The following MIA3 variants were observed in gnomAD, a reference collection of about 807,000 sequenced individuals.
The protein encoded by MIA3 is transport and Golgi organization protein 1 homolog.
In MIA3, 90 loss-of-function variants were observed where a neutral mutation model predicts 192.4. The observed-to-expected ratio is 0.47, with a 90% CI of 0.39 to 0.56. MIA3 has a LOEUF of 0.56. MIA3 is among the 20% of genes least tolerant of loss of function. MIA3 has a pLI of 0.00. For synonymous variants in MIA3, 740 were observed against 792.8 expected (o/e 0.93, Z 1.12); for missense variants, 2,123 against 2,269.4 (o/e 0.94, Z 1.31).
chr1:222,644,614 C>A, intron 6 of MIA3: 1 of 1,550,196 alleles, frequency 6.5e-7, no homozygotes, highest in Non-Finnish European at 8.7e-7. Context: ...CGGGGAGGGA[C>A]CCAAGCTGTC....
In MIA3 at chr1:222,652,293, T is replaced by C; in HGVS notation, c.4047T>C (p.Val1349=). 1 of 1,613,856 alleles carries C rather than the reference T, an allele frequency of 6.2e-7. No individual in the cohort carries two copies. The highest frequency in any genetic ancestry group is 8.5e-7 in the Non-Finnish European group (1 of 1,179,824). The part of the protein sequence containing the change: ...EEKVKSECHR[V]QEENARLKKK... ...AGGTGAAGTCTGAATGCCATCGGGT[T>C]CAAGAAGAAAATGCTAGGCTTAAGA... The change falls in exon 13 of 28, where the codon GTT becomes GTC. Residue 1349 remains valine, a synonymous_variant. Transcript: ENST00000344922.
At chr1:222,644,607 G>T (rs1571887116) in intron 6 of MIA3, 2 of 1,550,270 alleles carry the variant, frequency 1.3e-6, no homozygotes, top group East Asian at 4.9e-5. Context: ...CGATTCCCGG[G>T]GAGGGACCCA....
At chr1:222,624,059 T>A (rs1027699067) in intron 2 of MIA3, among the ~76,000 whole-genome samples, 34 of 152,266 alleles carry the variant, frequency 2.2e-4, no homozygotes, top group African/African-American at 8.0e-4. Flanking sequence ...TTTCTTTCAA[T>A]AAATATATTG....
At chr1:222,641,595 A>G in intron 6 of MIA3, 1 of 524,962 alleles carries the variant, frequency 1.9e-6, no homozygotes, top group South Asian at 1.4e-5. Flanking sequence ...TCTTATCTAC[A>G]TAGTACCCAG....
At chr1:222,644,502 T>G in intron 6 of MIA3, 1 of 1,550,608 alleles carries the variant, frequency 6.4e-7, no homozygotes, top group Non-Finnish European at 8.7e-7. Flanking sequence ...CCACTGTGCC[T>G]TCTATCGCCG....
At chr1:222,652,926 T>A in intron 13 of MIA3, 82 bp from the exon 14 acceptor site, 1 of 1,480,512 alleles carries the variant, frequency 6.8e-7, no homozygotes, top group South Asian at 1.3e-5. Flanking sequence ...TGGTTCCTTA[T>A]TTACCTGTCT....
intron 3 of MIA3, among the ~76,000 whole-genome samples, chr1:222,627,118 G>A (rs1314981859): frequency 2.0e-5 from 3 of 152,216 alleles, no homozygotes; most frequent in Non-Finnish European, 4.4e-5. Context: ...TACTGATAAA[G>A]CTGTTTGGAG....
At position 222,628,259 on chromosome 1, in the gene MIA3, G is replaced by T; in HGVS notation, c.1039G>T (p.Val347Phe). The stretch of plus-strand genomic sequence containing the variant: ...TATGAAAACTCCAGCAAAGTCTGGC[G>T]TTGAGAAATATCCAACAGATAAAGA... ...EDMKTPAKSG[V>F]EKYPTDKEQN... The change falls in exon 4 of 28, where the codon GTT becomes TTT. Residue 347 changes from valine to phenylalanine, a missense_variant. Physicochemically the swap from Val to Phe is conservative, Grantham distance 50 (BLOSUM62 -1). Around this residue, in one of 3 missense-constraint regions of MIA3, gnomAD observed 1,357 missense variants for 1,396.1 expected, o/e 0.97. Coordinates refer to ENST00000344922, the MANE Select transcript of MIA3 (RefSeq NM_198551.4). The T allele has an allele frequency of 1.9e-6, 3 of 1,614,076 alleles. No homozygotes were observed. The highest frequency in any genetic ancestry group is 2.5e-6 in the Non-Finnish European group (3 of 1,180,028).
intron 3 of MIA3, among the ~76,000 whole-genome samples, chr1:222,626,582 A>G (rs767751026): frequency 6.6e-6 from 1 of 152,188 alleles, no homozygotes; most frequent in Non-Finnish European, 1.5e-5. Flanking sequence ...TGGTGGAGGA[A>G]GGGAAAAATA....
chr1:222,654,503 T>C, intron 17 of MIA3, 24 bp downstream of exon 17: 1 of 1,583,736 alleles, frequency 6.3e-7, no homozygotes, highest in Middle Eastern at 1.7e-4. Flanking sequence ...TGAGAAGAAA[T>C]TGCTATATAT....
In MIA3 at chr1:222,629,786, G is replaced by A. The variant is rs368565492; in HGVS notation, c.2566G>A (p.Asp856Asn). Residue 856 changes from aspartate (D) to asparagine (N), a missense_variant, in exon 4 of 28, where the codon GAC becomes AAC. By Grantham distance (23) the Asp-to-Asn change is conservative (BLOSUM62 1). Coordinates refer to ENST00000344922, the MANE Select transcript of MIA3 (RefSeq NM_198551.4). The stretch of plus-strand genomic sequence containing the variant: ...TAAAGATTCTGATTATCTGAAGAAC[G>A]ACAACCCTGAGGAACATCTGAAGAC... The part of the protein sequence containing the change: ...QNKDSDYLKN[D>N]NPEEHLKTSG... The A allele has an allele frequency of 1.8e-4, 291 of 1,614,092 alleles. No individual in the cohort carries two copies. The highest frequency in any genetic ancestry group is 2.2e-4 in the Non-Finnish European group (261 of 1,180,012).
chr1:222,642,241 G>A (rs1313375209), intron 6 of MIA3, among the ~76,000 whole-genome samples: 1 of 151,952 alleles, frequency 6.6e-6, no homozygotes, highest in Non-Finnish European at 1.5e-5. Context: ...TGATCAAACT[G>A]TGCACTTTAA....
At chr1:222,644,263 T>A in intron 6 of MIA3, 1 of 1,376,096 alleles carries the variant, frequency 7.3e-7, no homozygotes, top group Non-Finnish European at 9.4e-7. Context: ...GCCGGCCGGC[T>A]CCTTTGGTGC....
At chr1:222,625,256 C>T (rs935901934) in intron 3 of MIA3, among the ~76,000 whole-genome samples, 2 of 152,232 alleles carry the variant, frequency 1.3e-5, no homozygotes, top group African/African-American at 2.4e-5. Flanking sequence ...CCGCCCGCCT[C>T]AGCCTCCCAA....
chr1:222,625,441 AACTACTTATTGGAT>A (rs1662069753), intron 3 of MIA3, among the ~76,000 whole-genome samples: 1 of 152,260 alleles, frequency 6.6e-6, no homozygotes, highest in African/African-American at 2.4e-5. Flanking sequence ...GAAATTTGAA[AACTACTTATTGGAT>A]AGCTGTTAGA....
chr1:222,664,080 C>T lies in MIA3; in HGVS notation c.5345C>T (p.Pro1782Leu), dbSNP rs762040336. 4 of 1,614,076 alleles carry T rather than the reference C, an allele frequency of 2.5e-6. No individual in the cohort carries two copies. In the African/African-American group the frequency reaches 5.3e-5, roughly 22 times the overall value. ...STPMGGPVPP[P>L]IRYGPPPQLC... ...CCCATGGGAGGCCCTGTACCACCACCCATTCGATATGGACCACCACCTCAG... is the reference window on the plus strand; with the variant it reads ...CCCATGGGAGGCCCTGTACCACCACTCATTCGATATGGACCACCACCTCAG... The change falls in exon 27 of 28, where the codon CCC becomes CTC. Residue 1782 changes from proline (P) to leucine (L), a missense_variant. By Grantham distance (98) the Pro-to-Leu change is moderately conservative. This residue lies in a region of MIA3 where 762 missense variants were observed against 856.4 expected (regional missense o/e 0.89). Transcript: ENST00000344922.
At chr1:222,620,880 G>A (rs1343092063) in intron 1 of MIA3, among the ~76,000 whole-genome samples, 1 of 152,248 alleles carries the variant, frequency 6.6e-6, no homozygotes, top group African/African-American at 2.4e-5. Context: ...AAAGCCATGT[G>A]TGGTAGTTGG....
rs749853835 is a variant in MIA3, at chr1:222,629,698, A to G, written c.2478A>G (p.Glu826=). Residue 826 remains glutamate, a synonymous_variant, in exon 4 of 28, where the codon GAA becomes GAG. Coordinates refer to ENST00000344922, the MANE Select transcript of MIA3 (RefSeq NM_198551.4). The part of the protein sequence containing the change: ...LADKKAQRPF[E]RSDFSDSIKI... ...ATAAGAAAGCACAGAGACCATTTGA[A>G]CGAAGTGACTTTTCTGACAGCATAA... The G allele has an allele frequency of 1.2e-6, 2 of 1,614,206 alleles. No homozygotes were observed. The highest frequency in any genetic ancestry group is 1.7e-6 in the Non-Finnish European group (2 of 1,180,020).
In MIA3 at chr1:222,645,751, GTTTC is replaced by G. The variant is rs1258722804; in HGVS notation, c.3609+70_3609+73del. ...ATGGTTTTATAATCACAGTCCTTTT[GTTTC>G]TTTTTCAGTTTCTAATATGAACAGA... is the stretch of plus-strand genomic sequence containing the variant. On this transcript the variant is annotated intron_variant, in intron 7 of 27. Transcript: ENST00000344922. 9.8e-6 allele frequency: 14 copies of G among 1,425,376 alleles called. No homozygotes were observed. In the South Asian group the frequency reaches 1.8e-4, roughly 18 times the overall value. 88.3% of individuals were successfully genotyped at this position (1,425,376 alleles called of 1,614,324 possible). A position where few individuals can be genotyped will look rare whatever the true frequency, so the allele number is the denominator to read the frequency against.
Sources: gnomAD v4.1 joint callset for allele counts (sites outside exome capture counted in the v4.1 genomes callset) on GRCh38, gnomAD v4.1.1 for gene constraint, gnomAD v4.1.1 regional missense constraint, MANE v1.5 for transcripts, NCBI Gene and HGNC (gene_info 2026-07-23, HGNC 2026-07-21) for gene names.